Variants in LMO7 observed in about 807,000 individuals in gnomAD.
LMO7 encodes LIM domain only protein 7.
In LMO7, 120 loss-of-function variants were observed where a neutral mutation model predicts 206.5. The observed-to-expected ratio is 0.58, with a 90% CI of 0.50 to 0.68. The LOEUF (loss-of-function observed/expected upper bound fraction) is 0.68. LMO7 is among the 30% of genes least tolerant of loss of function. The pLI, the probability that LMO7 is intolerant of heterozygous loss-of-function variation, is 0.00. For missense variants in LMO7, 1,959 were observed against 1,957.9 expected, an observed-to-expected ratio of 1.00 and a Z score of -0.01; for synonymous variants, 706 against 681.5, an observed-to-expected ratio of 1.04 and a Z score of -0.56.
intron 26 of LMO7, among the ~76,000 whole-genome samples, chr13:75,847,306 A>G (rs140572780): frequency 1.3e-5 from 2 of 152,362 alleles, no homozygotes; most frequent in African/African-American, 4.8e-5. Flanking sequence ...CCAATCAGAA[A>G]CTAATCGCCA....
rs775814270 is a variant in LMO7 at position 75,834,392 on chromosome 13, G to A, written c.3226+5G>A. On this transcript the variant is annotated splice_donor_5th_base_variant and intron_variant, in intron 17 of 30. Coordinates refer to ENST00000377534, the MANE Select transcript of LMO7 (RefSeq NM_001306080.2). ...TGAGGCGCTATGGAAAGGCTGGTGAGTTTGTGTTACCACCATGTCTGGCAT... is the reference window on the plus strand; with the variant it reads ...TGAGGCGCTATGGAAAGGCTGGTGAATTTGTGTTACCACCATGTCTGGCAT... 6.3e-7 allele frequency: 1 copy of A among 1,579,688 alleles called. No individual in the cohort carries two copies. Among genetic ancestry groups the A allele is most frequent in the East Asian group, 2.3e-5 (1 of 43,278 alleles).
chr13:75,845,372 TA>T lies in LMO7; in HGVS notation c.4148del (p.Asn1383MetfsTer7). 6.3e-7 allele frequency: 1 copy of T among 1,579,848 alleles called. No individual in the cohort carries two copies. The highest frequency in any genetic ancestry group is 8.7e-7 in the Non-Finnish European group (1 of 1,151,988). On this transcript the variant is annotated frameshift_variant, in exon 26 of 31. Coordinates refer to ENST00000377534, the MANE Select transcript of LMO7 (RefSeq NM_001306080.2). LOFTEE classifies it high-confidence loss of function. ...CTGAACTGGATGATTACTCCACAAATAAAAATGGTAAATGCGATATTTTCCC... is the reference window on the plus strand; with the variant it reads ...CTGAACTGGATGATTACTCCACAAATAAAATGGTAAATGCGATATTTTCCC... ...TTELDDYSTN[K>X]NGNNKYLDQI...
chr13:75,656,807 A>T (rs1219300247), intron 1 of LMO7, among the ~76,000 whole-genome samples: 1 of 152,184 alleles, frequency 6.6e-6, no homozygotes. Context: ...CCTGTGAAGA[A>T]GATTAGACTT....
chr13:75,690,626 C>G (rs1421705307), intron 1 of LMO7, among the ~76,000 whole-genome samples: 1 of 152,068 alleles, frequency 6.6e-6, no homozygotes, highest in African/African-American at 2.4e-5. Flanking sequence ...GACTACTCAA[C>G]TCTCTCTCTC....
At chr13:75,835,027 A>G in intron 17 of LMO7, 1 of 507,906 alleles carries the variant, frequency 2.0e-6, no homozygotes, top group African/African-American at 2.0e-5. Flanking sequence ...GATTTATTTC[A>G]CACGCTGCCT....
chr13:75,838,418 C>A, intron 20 of LMO7: 1 of 1,125,356 alleles, frequency 8.9e-7, no homozygotes. Flanking sequence ...CCTTTGTATA[C>A]CTCTAAACAT....
intron 4 of LMO7, among the ~76,000 whole-genome samples, chr13:75,794,000 T>C (rs985297678): frequency 6.6e-6 from 1 of 152,236 alleles, no homozygotes; most frequent in Non-Finnish European, 1.5e-5. Context: ...TTGAAGGTTA[T>C]TTTCATTGCC....
At chr13:75,679,088 T>C (rs536806983) in intron 1 of LMO7, among the ~76,000 whole-genome samples, 5 of 152,226 alleles carry the variant, frequency 3.3e-5, no homozygotes, top group Non-Finnish European at 7.3e-5. Context: ...TTCATTGTTT[T>C]TTCCCCCCTT....
In LMO7 at chr13:75,629,363, T is replaced by C. The variant is rs138568757; in HGVS notation, c.225+6043T>C. Among the ~76,000 whole-genome samples, 360 of 152,176 alleles carry C rather than the reference T, an allele frequency of 2.4e-3. 3 individuals are homozygous for C. The highest frequency in any genetic ancestry group is 8.3e-3 in the African/African-American group (343 of 41,516). ...AAGCCAGGCACTCTTAAATTGCTTA[T>C]GGTTCAGTGAGGAAAAGAGGCAATA... On this transcript the variant is annotated intron_variant, in intron 2 of 29. Coordinates refer to the LMO7 transcript ENST00000341547.
At chr13:75,815,424 C>T (rs1291709624) in intron 11 of LMO7, among the ~76,000 whole-genome samples, 1 of 151,992 alleles carries the variant, frequency 6.6e-6, no homozygotes, top group African/African-American at 2.4e-5. Context: ...GATGTGTGAC[C>T]CAATGTTGTG....
intron 6 of LMO7, among the ~76,000 whole-genome samples, chr13:75,798,468 G>A (rs1172768573): frequency 6.6e-6 from 1 of 152,242 alleles, no homozygotes; most frequent in African/African-American, 2.4e-5. Context: ...TCCTAGTACA[G>A]TGTCTATGCC....
chr13:75,718,896 T>A (rs957430323), intron 2 of LMO7, among the ~76,000 whole-genome samples: 4 of 152,158 alleles, frequency 2.6e-5, no homozygotes, highest in African/African-American at 9.7e-5. Flanking sequence ...ATACAGTGCA[T>A]AGCCTTTTCA....
Position 75,781,786 on chromosome 13 carries a change from C to G in LMO7, c.318-13615C>G, listed in dbSNP as rs181655570. Among the ~76,000 whole-genome samples the G allele has an allele frequency of 4.2e-3, 645 of 152,144 alleles. 3 individuals carry two copies. The highest frequency in any genetic ancestry group is 5.9e-3 in the Non-Finnish European group (399 of 68,024). On this transcript the variant is annotated intron_variant, in intron 4 of 30. Coordinates refer to ENST00000377534, the MANE Select transcript of LMO7 (RefSeq NM_001306080.2). ...CTATTTCTCCACATCCTCTCCAGCA[C>G]CTGTAGTTTCCTGACTTTTTATGAT...
intron 1 of LMO7, among the ~76,000 whole-genome samples, chr13:75,708,453 T>C (rs775141556): frequency 3.3e-5 from 5 of 152,204 alleles, no homozygotes; most frequent in African/African-American, 4.8e-5. Flanking sequence ...TCTATATTGA[T>C]TTGGGAATGG....
At chr13:75,750,037 T>A (rs1443709171) in intron 3 of LMO7, among the ~76,000 whole-genome samples, 1 of 151,934 alleles carries the variant, frequency 6.6e-6, no homozygotes, top group Non-Finnish European at 1.5e-5. Context: ...TAACAAGCGA[T>A]GATTATCCAA....
At chr13:75,678,658 G>A (rs1343847763) in intron 1 of LMO7, among the ~76,000 whole-genome samples, 1 of 152,192 alleles carries the variant, frequency 6.6e-6, no homozygotes, top group East Asian at 1.9e-4. Context: ...CCTCCTCTCA[G>A]TGTACACATA....
intron 11 of LMO7, among the ~76,000 whole-genome samples, chr13:75,813,206 C>T (rs2056615922): frequency 6.6e-6 from 1 of 152,202 alleles, no homozygotes. Context: ...CTGAGAGACT[C>T]CTTCCTCTAC....
chr13:75,835,750 C>T (rs953533211), intron 18 of LMO7, among the ~76,000 whole-genome samples: 3 of 152,044 alleles, frequency 2.0e-5, no homozygotes, highest in Non-Finnish European at 2.9e-5. Flanking sequence ...CTTCATGAAG[C>T]ATTTTTAGTT....
At chr13:75,651,665 T>C (rs2037582469) in intron 1 of LMO7, among the ~76,000 whole-genome samples, 1 of 152,212 alleles carries the variant, frequency 6.6e-6, no homozygotes, top group Admixed American at 6.5e-5. Flanking sequence ...ATATCTGTAC[T>C]TGTACTTCGT....
Sources: allele counts gnomAD v4.1 joint callset (sites outside exome capture counted in the v4.1 genomes callset), GRCh38; gene constraint gnomAD v4.1.1; transcripts MANE v1.5; gene names NCBI Gene and HGNC (gene_info 2026-07-23, HGNC 2026-07-21).